The following CCSER1 variants were observed in gnomAD, a reference collection of about 807,000 sequenced individuals.
The protein encoded by CCSER1 is serine-rich coiled-coil domain-containing protein 1.
In CCSER1, 41 loss-of-function variants were observed where a neutral mutation model predicts 82.0. That is an observed-to-expected ratio of 0.50 (90% CI 0.39 to 0.65). CCSER1 has a LOEUF of 0.65. CCSER1 is among the 30% of genes least tolerant of loss of function. The pLI is 0.00. For synonymous variants in CCSER1, 414 were observed against 383.9 expected (o/e 1.08, Z -0.92); for missense variants, 1,119 against 1,064.2 (o/e 1.05, Z -0.72).
chr4:90,615,714 A>G (rs59036462), intron 5 of CCSER1, among the ~76,000 whole-genome samples: 6,312 of 151,514 alleles, frequency 0.042, 432 homozygotes, highest in African/African-American at 0.14. Flanking sequence ...TTCTACTCTT[A>G]GTGAATATGC....
chr4:90,584,612 T>C (rs1781783773), intron 5 of CCSER1, among the ~76,000 whole-genome samples: 1 of 152,218 alleles, frequency 6.6e-6, no homozygotes, highest in African/African-American at 2.4e-5. Context: ...TAACTTGTGA[T>C]AATTTGTTTT....
intron 8 of CCSER1, among the ~76,000 whole-genome samples, chr4:90,919,033 T>C (rs1356772770): frequency 6.7e-6 from 1 of 148,882 alleles, no homozygotes; most frequent in Non-Finnish European, 1.5e-5. Flanking sequence ...TGTGGAATTG[T>C]GCTTTTACAG....
At chr4:90,912,313 G>T (rs1245239221) in intron 8 of CCSER1, among the ~76,000 whole-genome samples, 1 of 152,192 alleles carries the variant, frequency 6.6e-6, no homozygotes, top group Non-Finnish European at 1.5e-5. Flanking sequence ...CGATCAGGCA[G>T]CAACATTTGC....
In CCSER1 at chr4:90,687,713, C is replaced by G. The variant is rs981208045; in HGVS notation, c.1933-36201C>G. 2.0e-5 allele frequency among the ~76,000 whole-genome samples: 3 copies of G among 152,054 alleles called. 1 individual carries two copies. Among genetic ancestry groups the G allele is most frequent in the Admixed American group, 2.0e-4 (3 of 15,234 alleles). On this transcript the variant is annotated intron_variant, in intron 6 of 10. Transcript: ENST00000509176. ...CCTTCCTTCCACCCACAACCTCAGACAGCATTCAAACCATACAACAGCCAC... is the reference window on the plus strand; with the variant it reads ...CCTTCCTTCCACCCACAACCTCAGAGAGCATTCAAACCATACAACAGCCAC...
chr4:91,394,140 T>C (rs1751825387), intron 10 of CCSER1, among the ~76,000 whole-genome samples: 1 of 152,084 alleles, frequency 6.6e-6, no homozygotes, highest in South Asian at 2.1e-4. Flanking sequence ...TGCCAGTAAT[T>C]CAGGAACACA....
chr4:90,753,405 G>A (rs1200563363), intron 7 of CCSER1, among the ~76,000 whole-genome samples: 3 of 152,088 alleles, frequency 2.0e-5, no homozygotes, highest in Admixed American at 1.3e-4. Flanking sequence ...ATTTTGGGGT[G>A]ACATTTTGGT....
intron 10 of CCSER1, among the ~76,000 whole-genome samples, chr4:91,305,430 A>T (rs1282373960): frequency 6.6e-6 from 1 of 152,064 alleles, no homozygotes; most frequent in East Asian, 1.9e-4. Flanking sequence ...GTATCTTTGC[A>T]TGTCTCAACT....
intron 6 of CCSER1, among the ~76,000 whole-genome samples, chr4:90,695,945 C>A (rs1163365308): frequency 6.6e-6 from 1 of 151,726 alleles, no homozygotes; most frequent in Non-Finnish European, 1.5e-5. Context: ...ATAAATTCAA[C>A]AGTAAAACAT....
intron 7 of CCSER1, among the ~76,000 whole-genome samples, chr4:90,766,023 T>A (rs1252293284): frequency 6.6e-6 from 1 of 151,890 alleles, no homozygotes; most frequent in Non-Finnish European, 1.5e-5. Flanking sequence ...GCAGGAACAT[T>A]AAAGGCATTG....
intron 5 of CCSER1, among the ~76,000 whole-genome samples, chr4:90,470,553 C>G (rs921615424): frequency 3.3e-5 from 5 of 152,074 alleles, no homozygotes; most frequent in African/African-American, 1.2e-4. Context: ...GCAATTTCTT[C>G]AAGTACAGTT....
At chr4:90,556,856 A>G (rs922366586) in intron 5 of CCSER1, among the ~76,000 whole-genome samples, 14 of 146,812 alleles carry the variant, frequency 9.5e-5, no homozygotes, top group African/African-American at 2.3e-4. Context: ...CTATATGTGT[A>G]TATATATATA....
intron 5 of CCSER1, among the ~76,000 whole-genome samples, chr4:90,533,084 GT>G (rs59215370): frequency 0.093 from 8,284 of 89,300 alleles, 137 homozygotes; most frequent in East Asian, 0.26. Flanking sequence ...ATTTCTGTGG[GT>G]TTTTTTTTTT....
chr4:90,953,072 C>T (rs1337824476), intron 9 of CCSER1, among the ~76,000 whole-genome samples: 1 of 151,728 alleles, frequency 6.6e-6, no homozygotes, highest in Non-Finnish European at 1.5e-5. Flanking sequence ...ATATTATTTT[C>T]TGTATAAAGG....
chr4:91,094,767 C>A (rs1417827145), intron 10 of CCSER1, among the ~76,000 whole-genome samples: 5 of 152,074 alleles, frequency 3.3e-5, no homozygotes, highest in Non-Finnish European at 5.9e-5. Flanking sequence ...GGTTTTATCT[C>A]CTGACCTGGC....
At chr4:90,147,054 C>A (rs540678185) in intron 1 of CCSER1, among the ~76,000 whole-genome samples, 1 of 151,444 alleles carries the variant, frequency 6.6e-6, no homozygotes, top group East Asian at 1.9e-4. Context: ...TTGTTTAATT[C>A]ATTTGTTCAG....
At chr4:91,383,148 G>A (rs573590359) in intron 10 of CCSER1, among the ~76,000 whole-genome samples, 3 of 152,038 alleles carry the variant, frequency 2.0e-5, no homozygotes, top group African/African-American at 7.2e-5. Flanking sequence ...TCAGTTTATT[G>A]CAACATTCAC....
At chr4:90,471,932 G>A (rs781117904) in intron 5 of CCSER1, among the ~76,000 whole-genome samples, 9 of 151,888 alleles carry the variant, frequency 5.9e-5, no homozygotes, top group Admixed American at 5.3e-4. Context: ...AGCTAAGATT[G>A]TGTCACTGCA....
At chr4:90,703,599 T>C (rs1184909753) in intron 6 of CCSER1, among the ~76,000 whole-genome samples, 1 of 152,198 alleles carries the variant, frequency 6.6e-6, no homozygotes, top group African/African-American at 2.4e-5. Flanking sequence ...TATTATTGTG[T>C]GGGAGTCTAA....
At chr4:90,228,285 C>G (rs1416083874) in intron 1 of CCSER1, among the ~76,000 whole-genome samples, 2 of 152,192 alleles carry the variant, frequency 1.3e-5, no homozygotes, top group Non-Finnish European at 2.9e-5. Flanking sequence ...TGAGAACGGG[C>G]AGACTGCCTC....
Sources: gnomAD v4.1 joint callset for allele counts (sites outside exome capture counted in the v4.1 genomes callset) on GRCh38, gnomAD v4.1.1 for gene constraint, MANE v1.5 for transcripts, NCBI Gene and HGNC (gene_info 2026-07-23, HGNC 2026-07-21) for gene names.